SLC39A8: variants seen among roughly 807,000 people sequenced by gnomAD.
SLC39A8 encodes solute carrier family 39 member 8.
In SLC39A8, 15 loss-of-function variants were observed where a neutral mutation model predicts 40.4. The observed-to-expected ratio is 0.37, with a 90% CI of 0.25 to 0.57. SLC39A8 has a LOEUF of 0.57. Ranked by LOEUF, SLC39A8 falls within the 20% of genes least tolerant of loss-of-function variation. The pLI, the probability that SLC39A8 is intolerant of heterozygous loss-of-function variation, is 0.75. For synonymous variants in SLC39A8, 223 were observed against 221.6 expected (o/e 1.01, Z -0.06); for missense variants, 472 against 558.8 (o/e 0.84, Z 1.57).
intron 2 of SLC39A8, among the ~76,000 whole-genome samples, chr4:102,344,165 A>C (rs142479620): frequency 6.6e-6 from 1 of 152,260 alleles, no homozygotes; most frequent in East Asian, 1.9e-4. Flanking sequence ...ACTACTTCAT[A>C]AAGTTTTCTA....
intron 6 of SLC39A8, among the ~76,000 whole-genome samples, chr4:102,294,222 ACT>A (rs1346776092): frequency 6.6e-6 from 1 of 151,892 alleles, no homozygotes; most frequent in East Asian, 1.9e-4. Flanking sequence ...CAAATGACAG[ACT>A]CTTTCTTAGA....
At chr4:102,319,072 T>C (rs1263659738) in intron 2 of SLC39A8, among the ~76,000 whole-genome samples, 2 of 152,224 alleles carry the variant, frequency 1.3e-5, no homozygotes, top group Non-Finnish European at 2.9e-5. Flanking sequence ...GGTAGCATTA[T>C]AGGTAGGGGC....
chr4:102,270,761 T>C (rs1307328292), intron 6 of SLC39A8, among the ~76,000 whole-genome samples: 2 of 151,996 alleles, frequency 1.3e-5, no homozygotes, highest in Non-Finnish European at 2.9e-5. Flanking sequence ...TTAATGGGGA[T>C]GGAAGTCAAA....
intron 2 of SLC39A8, among the ~76,000 whole-genome samples, chr4:102,337,249 G>T (rs1277796112): frequency 7.4e-6 from 1 of 134,384 alleles, no homozygotes; most frequent in African/African-American, 2.9e-5. Flanking sequence ...AAAAAAAAAA[G>T]AATCAAAAGT....
At chr4:102,323,567 T>G (rs1368637449) in intron 2 of SLC39A8, among the ~76,000 whole-genome samples, 2 of 152,174 alleles carry the variant, frequency 1.3e-5, no homozygotes, top group African/African-American at 4.8e-5. Context: ...TAAGCAATAG[T>G]TATCATAAGA....
intron 6 of SLC39A8, among the ~76,000 whole-genome samples, chr4:102,302,639 C>T (rs143872618): frequency 1.3e-4 from 20 of 152,002 alleles, no homozygotes; most frequent in African/African-American, 4.6e-4. Flanking sequence ...ACACAGGCTT[C>T]GGTATAAGGC....
At position 102,336,385 on chromosome 4, in the gene SLC39A8, T is replaced by C. The variant is rs547518287; in HGVS notation, c.219+8059A>G. Among the ~76,000 whole-genome samples the C allele has an allele frequency of 2.0e-5, 3 of 152,334 alleles. No individual in the cohort carries two copies. The South Asian group carries it at 6.2e-4, about 32-fold the overall frequency. On this transcript the variant is annotated intron_variant, in intron 2 of 8. Transcript: ENST00000356736. ...AGCTTGCCTGACTCCAGAAGCCAGA[T>C]TGTAAACCATTATGCTGTATTCTCT... is the stretch of plus-strand genomic sequence containing the variant.
intron 2 of SLC39A8, 30 bp downstream of exon 2, chr4:102,344,414 C>A: frequency 6.8e-7 from 1 of 1,476,210 alleles, no homozygotes; most frequent in Non-Finnish European, 9.0e-7. Context: ...ACCCACAGTA[C>A]GGAGGGCTGC....
chr4:102,257,471 G>A (rs1731733925), downstream of SLC39A8, among the ~76,000 whole-genome samples: 1 of 152,176 alleles, frequency 6.6e-6, no homozygotes, highest in African/African-American at 2.4e-5. Flanking sequence ...TGTAGAGAAG[G>A]CCTTCTTGGG....
At chr4:102,326,828 C>G (rs545200947) in intron 2 of SLC39A8, among the ~76,000 whole-genome samples, 1 of 152,250 alleles carries the variant, frequency 6.6e-6, no homozygotes, top group Admixed American at 6.5e-5. Context: ...CTAGGAGCTT[C>G]TAACCTAATC....
chr4:102,275,681 C>T (rs952786758), intron 6 of SLC39A8, among the ~76,000 whole-genome samples: 3 of 152,190 alleles, frequency 2.0e-5, no homozygotes, highest in African/African-American at 7.2e-5. Flanking sequence ...ACAGAATATA[C>T]ATTCTTCTCA....
At chr4:102,319,571 AT>A in intron 2 of SLC39A8, among the ~76,000 whole-genome samples, 1 of 151,982 alleles carries the variant, frequency 6.6e-6, no homozygotes, top group East Asian at 1.9e-4. Flanking sequence ...TTTAACCAAA[AT>A]CCCCCCTACC....
At chr4:102,336,123 CTT>C (rs1735662086) in intron 2 of SLC39A8, among the ~76,000 whole-genome samples, 1 of 152,038 alleles carries the variant, frequency 6.6e-6, no homozygotes, top group Admixed American at 6.6e-5. Context: ...GGAAAAAAGT[CTT>C]ATATCTTTAT....
chr4:102,283,770 A>C (rs1005636440), intron 6 of SLC39A8, among the ~76,000 whole-genome samples: 1 of 152,224 alleles, frequency 6.6e-6, no homozygotes, highest in Non-Finnish European at 1.5e-5. Flanking sequence ...GTGTTAGAAC[A>C]CAGGAATGCT....
chr4:102,263,102 G>A lies in SLC39A8; in HGVS notation c.1325C>T (p.Thr442Ile). ...AATGAGTAGAATGGCTGTGAATCCA[G>A]TTAACATTCCAGCATTCTGAATCAT... is the stretch of plus-strand genomic sequence containing the variant. ...FFMIQNAGML[T>I]GFTAILLITL... The change falls in exon 9 of 9, where the codon ACT becomes ATT. Residue 442 changes from threonine to isoleucine, a missense_variant. This residue lies in a region of SLC39A8 where 50 missense variants were observed against 50.5 expected (regional missense o/e 0.99). Transcript: ENST00000356736. 1 of 1,613,696 alleles carries A rather than the reference G, an allele frequency of 6.2e-7. No homozygotes were observed. The highest frequency in any genetic ancestry group is 8.5e-7 in the Non-Finnish European group (1 of 1,179,716).
intron 6 of SLC39A8, among the ~76,000 whole-genome samples, chr4:102,281,152 C>G (rs1384892543): frequency 2.0e-5 from 3 of 152,112 alleles, no homozygotes; most frequent in African/African-American, 7.2e-5. Flanking sequence ...ATGTACCTCC[C>G]CGCCTACACA....
intron 6 of SLC39A8, among the ~76,000 whole-genome samples, chr4:102,301,576 CCTAGGACAATGAA>C (rs1409580239): frequency 1.3e-5 from 2 of 151,918 alleles, no homozygotes; most frequent in Non-Finnish European, 2.9e-5. Context: ...ATTTCCAGTG[CCTAGGACAATGAA>C]CAGGAACTCA....
chr4:102,296,090 C>A (rs1733667205), intron 6 of SLC39A8, among the ~76,000 whole-genome samples: 1 of 152,030 alleles, frequency 6.6e-6, no homozygotes, highest in South Asian at 2.1e-4. Context: ...ATTTATCTGA[C>A]AGGTCAAAGG....
chr4:102,328,772 TC>T (rs1735324265), intron 2 of SLC39A8, among the ~76,000 whole-genome samples: 1 of 152,108 alleles, frequency 6.6e-6, no homozygotes, highest in Non-Finnish European at 1.5e-5. Flanking sequence ...ACGCCTGTAA[TC>T]CCAGCACTTT....
Sources: allele counts gnomAD v4.1 joint callset (sites outside exome capture counted in the v4.1 genomes callset), GRCh38; gene constraint gnomAD v4.1.1; regional missense constraint gnomAD v4.1.1; transcripts MANE v1.5; gene names NCBI Gene and HGNC (gene_info 2026-07-23, HGNC 2026-07-21).